ELP4: variants seen among roughly 807,000 people sequenced by gnomAD.
ELP4 encodes the protein elongator acetyltransferase complex subunit 4.
A neutral mutation model predicts 48.9 loss-of-function variants in ELP4; 51 were observed. The observed-to-expected ratio is 1.04, with a 90% CI of 0.83 to 1.32. The LOEUF is 1.32. ELP4 is among the 40% of genes most tolerant of loss of function. The pLI is 0.00. For synonymous variants in ELP4, 210 were observed against 189.2 expected (o/e 1.11, Z -0.90); for missense variants, 519 against 514.6 (o/e 1.01, Z -0.08).
chr11:31,729,256 C>G (rs987739280), intron 9 of ELP4, among the ~76,000 whole-genome samples: 1 of 152,054 alleles, frequency 6.6e-6, no homozygotes, highest in African/African-American at 2.4e-5. Flanking sequence ...ATGTACTAAA[C>G]CATAATAACA....
chr11:31,667,422 G>C (rs1326925966), intron 9 of ELP4, among the ~76,000 whole-genome samples: 1 of 152,112 alleles, frequency 6.6e-6, no homozygotes, highest in African/African-American at 2.4e-5. Flanking sequence ...GAAGTTTATG[G>C]AAATTAATCT....
chr11:31,664,147 A>G (rs969299429), intron 9 of ELP4: 2 of 152,122 alleles, frequency 1.3e-5, no homozygotes, highest in African/African-American at 4.8e-5. Flanking sequence ...GTTCTGTATG[A>G]TTTTATAATA....
At chr11:31,583,796 T>C (rs1957428729) in intron 3 of ELP4, among the ~76,000 whole-genome samples, 1 of 152,208 alleles carries the variant, frequency 6.6e-6, no homozygotes, top group African/African-American at 2.4e-5. Flanking sequence ...ATTCTAGAAC[T>C]GACCAACAGA....
At chr11:31,750,717 T>C (rs565661953) in intron 9 of ELP4, among the ~76,000 whole-genome samples, 1 of 152,336 alleles carries the variant, frequency 6.6e-6, no homozygotes, top group East Asian at 1.9e-4. Flanking sequence ...TTCTGATTTC[T>C]CCTTCCAGCC....
chr11:31,761,558 A>G (rs1947946476), intron 9 of ELP4, among the ~76,000 whole-genome samples: 1 of 152,214 alleles, frequency 6.6e-6, no homozygotes, highest in South Asian at 2.1e-4. Context: ...CCAAAAAAAG[A>G]TTTGAATTTA....
At chr11:31,714,447 CAA>C (rs1448902896) in intron 9 of ELP4, among the ~76,000 whole-genome samples, 5 of 152,120 alleles carry the variant, frequency 3.3e-5, no homozygotes, top group African/African-American at 7.2e-5. Context: ...CCAGTACAAT[CAA>C]GAGAAATATC....
chr11:31,662,886 G>A (rs892914696), intron 9 of ELP4: 1 of 238,398 alleles, frequency 4.2e-6, no homozygotes, highest in African/African-American at 2.2e-5. Context: ...TTCAAAGCCA[G>A]CTTCTCATTG....
intron 3 of ELP4, among the ~76,000 whole-genome samples, chr11:31,566,802 T>C (rs1045864205): frequency 1.3e-5 from 2 of 152,168 alleles, no homozygotes; most frequent in African/African-American, 4.8e-5. Flanking sequence ...ATTTAATTCT[T>C]ATTGGAAGAG....
chr11:31,643,380 C>A (rs1189385390), intron 7 of ELP4, among the ~76,000 whole-genome samples: 1 of 151,782 alleles, frequency 6.6e-6, no homozygotes, highest in Non-Finnish European at 1.5e-5. Context: ...TTGATTTACC[C>A]CTTTCAAGCT....
At chr11:31,664,056 C>A (rs1262098521) in intron 9 of ELP4, 1 of 151,976 alleles carries the variant, frequency 6.6e-6, no homozygotes, top group Non-Finnish European at 1.5e-5. Context: ...GTGTTTTCAG[C>A]CTAATAAAAA....
rs187917753 is a variant in ELP4, at chr11:31,782,625, T to C, written c.1144-768T>C. Among the ~76,000 whole-genome samples the C allele has an allele frequency of 3.0e-3, 452 of 152,282 alleles. 3 individuals are homozygous for C. The highest frequency in any genetic ancestry group is 4.8e-3 in the Non-Finnish European group (329 of 68,020). ...CTAATTGCAGTAACTTCTGTAATTG[T>C]GGTCAGTTGCTGGGGTCAGTTTAAA... On this transcript the variant is annotated intron_variant, in intron 9 of 9. Transcript: ENST00000640961.
intron 9 of ELP4, among the ~76,000 whole-genome samples, chr11:31,763,956 C>T (rs986550320): frequency 1.2e-4 from 18 of 151,706 alleles, no homozygotes; most frequent in African/African-American, 3.4e-4. Context: ...TTCTTTAAAC[C>T]GAAAATCTAT....
chr11:31,780,041 A>G (rs1338189879), intron 9 of ELP4: 1 of 152,204 alleles, frequency 6.6e-6, no homozygotes, highest in Admixed American at 6.5e-5. Flanking sequence ...GTTGAGAATA[A>G]TATGATTTTT....
intron 9 of ELP4, among the ~76,000 whole-genome samples, chr11:31,735,517 A>G (rs1341119592): frequency 6.6e-6 from 1 of 152,220 alleles, no homozygotes; most frequent in African/African-American, 2.4e-5. Flanking sequence ...TTCAACTAAG[A>G]AAAGAGGAAG....
chr11:31,769,681 C>A (rs1247056509), intron 9 of ELP4, among the ~76,000 whole-genome samples: 3 of 152,048 alleles, frequency 2.0e-5, no homozygotes, highest in Non-Finnish European at 4.4e-5. Flanking sequence ...CAAGTAGGAG[C>A]TTTCAGATTA....
intron 3 of ELP4, among the ~76,000 whole-genome samples, chr11:31,570,948 C>T (rs2973904): frequency 0.25 from 37,763 of 151,348 alleles, 5,244 homozygotes; most frequent in Non-Finnish European, 0.32. Flanking sequence ...TACAGGCGCA[C>T]GCCAGCACGC....
At chr11:31,752,162 T>C (rs1424449120) in intron 9 of ELP4, among the ~76,000 whole-genome samples, 6 of 152,072 alleles carry the variant, frequency 3.9e-5, no homozygotes, top group African/African-American at 1.4e-4. Context: ...ACACACACAC[T>C]CACACACACT....
intron 9 of ELP4, among the ~76,000 whole-genome samples, chr11:31,765,259 T>G (rs979098863): frequency 6.6e-6 from 1 of 152,110 alleles, no homozygotes; most frequent in African/African-American, 2.4e-5. Context: ...CAAAAAAAAA[T>G]TGTATACAGT....
intron 5 of ELP4, among the ~76,000 whole-genome samples, chr11:31,613,068 A>T (rs891763391): frequency 6.6e-6 from 1 of 152,128 alleles, no homozygotes. Context: ...TGTGGCTTTT[A>T]TTAGGGTCTA....
Sources: gnomAD v4.1 joint callset for allele counts (sites outside exome capture counted in the v4.1 genomes callset) on GRCh38, gnomAD v4.1.1 for gene constraint, MANE v1.5 for transcripts, NCBI Gene and HGNC (gene_info 2026-07-23, HGNC 2026-07-21) for gene names.